EML1: variants seen among roughly 807,000 people sequenced by gnomAD.
The protein encoded by EML1 is echinoderm microtubule-associated protein-like 1.
A neutral mutation model predicts 110.4 loss-of-function variants in EML1; 27 were observed. That is an observed-to-expected ratio of 0.24 (90% CI 0.18 to 0.34). The LOEUF is 0.34. EML1 is among the 10% of genes least tolerant of loss of function. The pLI, the probability that EML1 is intolerant of heterozygous loss-of-function variation, is 1.00. For synonymous variants in EML1, 344 were observed against 385.8 expected, an observed-to-expected ratio of 0.89 and a Z score of 1.27; for missense variants, 741 against 1,030.9, an observed-to-expected ratio of 0.72 and a Z score of 3.85.
At position 99,827,090 on chromosome 14, in the gene EML1, G is replaced by A. The variant is rs148296351; in HGVS notation, c.68-23763G>A. 3.2e-4 allele frequency among the ~76,000 whole-genome samples: 49 copies of A among 152,310 alleles called. No homozygotes were observed. Among genetic ancestry groups the A allele is most frequent in the Non-Finnish European group, 6.0e-4 (41 of 68,024 alleles). ...CAGTCACTGACTGTAAATACGCTGG[G>A]GGGTATTTACATGTAGAGGGGGATG... On this transcript the variant is annotated intron_variant, in intron 1 of 21. Coordinates refer to ENST00000262233, the MANE Select transcript of EML1 (RefSeq NM_004434.3). The surrounding 1 kb of genome is among the most constrained non-coding windows in gnomAD (Gnocchi z 4.4).
At chr14:99,810,714 C>T (rs1190195042) in intron 1 of EML1, among the ~76,000 whole-genome samples, 1 of 152,152 alleles carries the variant, frequency 6.6e-6, no homozygotes. Flanking sequence ...CCTTGCAACT[C>T]TTAAGTGAAA....
upstream of EML1, among the ~76,000 whole-genome samples, chr14:99,768,030 G>T (rs994060756): frequency 1.9e-4 from 29 of 152,130 alleles, no homozygotes; most frequent in African/African-American, 7.0e-4. Context: ...TTGGGCTGGT[G>T]GGCACAGGGT....
chr14:99,914,275 C>G lies in EML1; in HGVS notation c.1591C>G (p.Leu531Val), dbSNP rs1327227184. Residue 531 changes from leucine (L) to valine (V), a missense_variant, in exon 14 of 22, where the codon CTG (leucine) becomes GTG (valine). This residue lies in a region of EML1 where 388 missense variants were observed against 605.6 expected (regional missense o/e 0.64). Coordinates refer to ENST00000262233, the MANE Select transcript of EML1 (RefSeq NM_004434.3). The stretch of plus-strand genomic sequence containing the variant: ...TCGAAACTTTGTCCTGCAGGGCACT[C>G]TGTCAGGGGACTTCACACCCATTAC... Reference protein sequence around the residue: ...TTRNFVLQGTLSGDFTPITQG... With the variant: ...TTRNFVLQGTVSGDFTPITQG... 5.6e-6 allele frequency: 9 copies of G among 1,613,788 alleles called. No individual in the cohort carries two copies. Among genetic ancestry groups the G allele is most frequent in the African/African-American group, 2.7e-5 (2 of 74,910 alleles).
Position 99,933,668 on chromosome 14 carries a change from C to T in EML1, c.1910-2361C>T, listed in dbSNP as rs115289982. 1.9e-3 allele frequency among the ~76,000 whole-genome samples: 295 copies of T among 152,374 alleles called. 3 individuals are homozygous for T. The highest frequency in any genetic ancestry group is 6.5e-3 in the African/African-American group (270 of 41,594). On this transcript the variant is annotated intron_variant, in intron 17 of 21. Coordinates refer to ENST00000262233, the MANE Select transcript of EML1 (RefSeq NM_004434.3). ...CTTGGATGAGTTAGTTTATTGTACA[C>T]GCCTCACTGTCCTCTCTTGAAAAAT... is the stretch of plus-strand genomic sequence containing the variant.
At chr14:99,779,429 T>G (rs2057516391) in intron 1 of EML1, among the ~76,000 whole-genome samples, 1 of 152,260 alleles carries the variant, frequency 6.6e-6, no homozygotes. Flanking sequence ...CTGTCTGTGT[T>G]GTCTGTTTCC....
At chr14:99,867,702 G>C (rs1340826732) in intron 3 of EML1, among the ~76,000 whole-genome samples, 1 of 152,082 alleles carries the variant, frequency 6.6e-6, no homozygotes, top group Non-Finnish European at 1.5e-5. Flanking sequence ...TTATGTATTA[G>C]TCCTCACAGT....
chr14:99,819,542 G>A (rs966569893), intron 1 of EML1, among the ~76,000 whole-genome samples: 1 of 152,176 alleles, frequency 6.6e-6, no homozygotes, highest in African/African-American at 2.4e-5. Context: ...TTCCATTATG[G>A]TGGGTGGCCA....
At chr14:99,924,530 A>G (rs567538685) in intron 17 of EML1, among the ~76,000 whole-genome samples, 12 of 152,354 alleles carry the variant, frequency 7.9e-5, no homozygotes, top group Admixed American at 2.6e-4. Flanking sequence ...TTGTAATAAG[A>G]GTTATGTGAA....
At chr14:99,757,294 G>A (rs892623972) in intron 1 of EML1, among the ~76,000 whole-genome samples, 16 of 151,084 alleles carry the variant, frequency 1.1e-4, no homozygotes, top group African/African-American at 3.4e-4. Flanking sequence ...AGCGAAGATC[G>A]CGCCATTGCA....
At chr14:99,764,712 G>A (rs1368594436) in intron 1 of EML1, among the ~76,000 whole-genome samples, 3 of 152,194 alleles carry the variant, frequency 2.0e-5, no homozygotes, top group Non-Finnish European at 2.9e-5. Context: ...AGGCACAGAA[G>A]CAGCAGGGTG....
chr14:99,911,870 T>C (rs575846288), intron 13 of EML1, among the ~76,000 whole-genome samples: 1 of 152,124 alleles, frequency 6.6e-6, no homozygotes, highest in Non-Finnish European at 1.5e-5. Context: ...CTGTCTTCTC[T>C]TTTAACTTTT....
chr14:99,860,778 G>T (rs1472714250), intron 2 of EML1, among the ~76,000 whole-genome samples: 1 of 152,080 alleles, frequency 6.6e-6, no homozygotes, highest in African/African-American at 2.4e-5. Flanking sequence ...GTCATTCCAA[G>T]AGTAGTCAGT....
At chr14:99,754,358 C>G (rs1221502020) in intron 1 of EML1, among the ~76,000 whole-genome samples, 1 of 152,198 alleles carries the variant, frequency 6.6e-6, no homozygotes, top group Non-Finnish European at 1.5e-5. Flanking sequence ...CTCCCCTGCC[C>G]CCTGCCTCCC....
chr14:99,832,010 G>A (rs1018783039), intron 1 of EML1, among the ~76,000 whole-genome samples: 1 of 151,920 alleles, frequency 6.6e-6, no homozygotes, highest in African/African-American at 2.4e-5. Context: ...GATGTTCATT[G>A]CCCCTAAAGT....
chr14:99,798,222 A>G (rs1298517824), intron 1 of EML1, among the ~76,000 whole-genome samples: 1 of 152,098 alleles, frequency 6.6e-6, no homozygotes, highest in Non-Finnish European at 1.5e-5. Flanking sequence ...TCTAGCTCTT[A>G]AGACGTAATT....
intron 6 of EML1, 103 bp downstream of exon 6, chr14:99,894,861 A>C: frequency 7.2e-7 from 1 of 1,379,450 alleles, no homozygotes; most frequent in Non-Finnish European, 9.5e-7. Flanking sequence ...TTAAGCTTTT[A>C]AAAAACAAAA....
intron 1 of EML1, among the ~76,000 whole-genome samples, chr14:99,739,308 C>T (rs2057014054): frequency 6.6e-6 from 1 of 152,122 alleles, no homozygotes; most frequent in Admixed American, 6.5e-5. Flanking sequence ...ACACCTGACG[C>T]TAACCCGGAA....
At chr14:99,854,526 A>C (rs2058868345) in intron 2 of EML1, among the ~76,000 whole-genome samples, 1 of 152,114 alleles carries the variant, frequency 6.6e-6, no homozygotes, top group African/African-American at 2.4e-5. Flanking sequence ...GCCTGCTTGC[A>C]CCAGTTACCC....
At chr14:99,762,647 A>T (rs866463264) in intron 1 of EML1, among the ~76,000 whole-genome samples, 69 of 152,318 alleles carry the variant, frequency 4.5e-4, no homozygotes, top group Admixed American at 1.9e-3. Context: ...AAAATTTTTT[A>T]AAGTAGTCAG....
Sources: gnomAD v4.1 joint callset for allele counts (sites outside exome capture counted in the v4.1 genomes callset) on GRCh38, gnomAD v4.1.1 for gene constraint, gnomAD v4.1.1 regional missense constraint, Gnocchi (gnomAD v3.1) non-coding constraint, MANE v1.5 for transcripts, NCBI Gene and HGNC (gene_info 2026-07-23, HGNC 2026-07-21) for gene names.